The following ZNF302 variants were observed in gnomAD, a reference collection of about 807,000 sequenced individuals.
ZNF302 encodes zinc finger protein 302.
Under a neutral mutation model 10.8 loss-of-function variants are expected in ZNF302, and 12 were observed. The ratio of observed to expected loss-of-function variants is 1.11; its 90% CI spans 0.71 to 1.79. The LOEUF is 1.79. Ranked by LOEUF, ZNF302 falls within the 40% of genes most tolerant of loss-of-function variation. The pLI is 0.00. For missense variants in ZNF302, 461 were observed against 471.1 expected, an observed-to-expected ratio of 0.98 and a Z score of 0.20; for synonymous variants, 178 against 157.5, an observed-to-expected ratio of 1.13 and a Z score of -0.98.
intron 3 of ZNF302, 25 bp from the exon 4 acceptor site, chr19:34,683,130 A>G: frequency 6.2e-7 from 1 of 1,613,856 alleles, no homozygotes; most frequent in Non-Finnish European, 8.5e-7. Context: ...CAGCTTAAAC[A>G]ATTCTATATT....
upstream of ZNF302, chr19:34,677,667 C>A (rs527812241): frequency 6.6e-6 from 1 of 152,460 alleles, no homozygotes; most frequent in African/African-American, 2.4e-5. Context: ...TCGCCGTGGG[C>A]GGTGCACTGG....
Position 34,678,725 on chromosome 19 carries a change from C to A in ZNF302, c.-68-12C>A. On this transcript the variant is annotated splice_polypyrimidine_tract_variant and intron_variant, in intron 1 of 4. Coordinates refer to ENST00000505242, the MANE Select transcript of ZNF302 (RefSeq NM_001289187.2). ...TTCATGACTGCTTTTTCCTGCCTTTCTGTGCCCTCAGGACACTGCCCATCT... is the reference window on the plus strand; with the variant it reads ...TTCATGACTGCTTTTTCCTGCCTTTATGTGCCCTCAGGACACTGCCCATCT... 3 of 1,556,788 alleles carry A rather than the reference C, an allele frequency of 1.9e-6. No individual in the cohort carries two copies. The South Asian group carries it at 3.4e-5, about 17-fold the overall frequency.
At chr19:34,681,790 CT>C (rs1487950058) in intron 2 of ZNF302, 1 of 152,190 alleles carries the variant, frequency 6.6e-6, no homozygotes, top group African/African-American at 2.4e-5. Context: ...TGTTAGACCC[CT>C]GATCTATGAC....
chr19:34,683,116 A>G (rs1707218466), intron 3 of ZNF302, 39 bp from the exon 4 acceptor site: 1 of 1,612,362 alleles, frequency 6.2e-7, no homozygotes, highest in South Asian at 1.1e-5. Flanking sequence ...ATAATAGAGG[A>G]CCACAGCTTA....
In ZNF302 at chr19:34,683,196, G is replaced by T. The variant is rs749315039; in HGVS notation, c.172G>T (p.Asp58Tyr). Residue 58 changes from aspartate to tyrosine, a missense_variant, in exon 4 of 5, where the codon GAT becomes TAT. Asp to Tyr is a radical substitution (Grantham distance 160, BLOSUM62 -3). Transcript: ENST00000505242. ...GCCATATGTGATCATGTTATTGGAGGATGGAAAAGAGCCCTGGATGATGGA... is the reference window on the plus strand; with the variant it reads ...GCCATATGTGATCATGTTATTGGAGTATGGAAAAGAGCCCTGGATGATGGA... ...TKPYVIMLLE[D>Y]GKEPWMMEKK... 2 of 1,614,110 alleles carry T rather than the reference G, an allele frequency of 1.2e-6. No individual in the cohort carries two copies. The highest frequency in any genetic ancestry group is 3.3e-5 in the Admixed American group (2 of 60,022).
At chr19:34,676,759 T>G (rs980106960), upstream of ZNF302, 1 of 152,218 alleles carries the variant, frequency 6.6e-6, no homozygotes, top group Admixed American at 6.5e-5. Context: ...ACACTATTTA[T>G]AATTTTAAAA....
rs2068624521 is a variant in ZNF302 at position 34,685,688 on chromosome 19, C to A, written c.*451C>A. 2 of 704,482 alleles carry A rather than the reference C, an allele frequency of 2.8e-6. No individual in the cohort carries two copies. The highest frequency in any genetic ancestry group is 2.4e-5 in the Admixed American group (1 of 41,778). 43.6% of individuals were successfully genotyped at this position (704,482 alleles called of 1,614,324 possible). The stretch of plus-strand genomic sequence containing the variant: ...TCATAGATCCTCCCTTATTTAACAT[C>A]AGAAAAATGTATACTGGGGAAAAGT... On this transcript the variant is annotated 3_prime_UTR_variant, in exon 5 of 5. Coordinates refer to ENST00000505242, the MANE Select transcript of ZNF302 (RefSeq NM_001289187.2).
intron 2 of ZNF302, among the ~76,000 whole-genome samples, chr19:34,679,099 A>G (rs2068190412): frequency 6.6e-6 from 1 of 152,222 alleles, no homozygotes; most frequent in South Asian, 2.1e-4. Flanking sequence ...TATTCGGTTT[A>G]TGGTTGTCAA....
chr19:34,683,380 A>AT, intron 4 of ZNF302, 142 bp downstream of exon 4: 2 of 942,930 alleles, frequency 2.1e-6, no homozygotes. Context: ...TTTAGCTTAG[A>AT]TTTTCAAAAC....
chr19:34,685,491 A>C lies in ZNF302; in HGVS notation c.*254A>C. On this transcript the variant is annotated 3_prime_UTR_variant, in exon 5 of 5. Coordinates refer to ENST00000505242, the MANE Select transcript of ZNF302 (RefSeq NM_001289187.2). ...GGAGAAAAGCCATATAAATGTAGTG[A>C]GTGTGGGAAAGCTTTTAGCAAAGGC... The C allele has an allele frequency of 1.3e-6, 2 of 1,584,474 alleles. No homozygotes were observed. Among genetic ancestry groups the C allele is most frequent in the Non-Finnish European group, 8.7e-7 (1 of 1,153,880 alleles).
chr19:34,679,972 T>C (rs183793036), intron 2 of ZNF302: 1 of 702,096 alleles, frequency 1.4e-6, no homozygotes, highest in East Asian at 2.7e-5. Context: ...AAGTAGCAGA[T>C]GTACATCTTG....
intron 2 of ZNF302, chr19:34,679,845 T>G: frequency 1.4e-6 from 1 of 702,874 alleles, no homozygotes; most frequent in Non-Finnish European, 2.6e-6. Context: ...ACCCAGAGTG[T>G]TACCTGGCAC....
In ZNF302 at chr19:34,686,269, A is replaced by C. The variant is rs1383926222; in HGVS notation, c.*1032A>C. On this transcript the variant is annotated 3_prime_UTR_variant, in exon 5 of 5. Transcript: ENST00000505242. ...TAGAAATTCTTTTTAGCTAGTGGGC[A>C]TGTGAAGATATTTAGTCACCCAGAG... is the stretch of plus-strand genomic sequence containing the variant. 6.6e-6 allele frequency: 1 copy of C among 152,210 alleles called. No individual in the cohort carries two copies. Among genetic ancestry groups the C allele is most frequent in the African/African-American group, 2.4e-5 (1 of 41,452 alleles). 9.4% of individuals were successfully genotyped at this position (152,210 alleles called of 1,614,324 possible). A position where few individuals can be genotyped will look rare whatever the true frequency, so the allele number is the denominator to read the frequency against.
chr19:34,677,432 G>A (rs1015000266), upstream of ZNF302: 2 of 152,306 alleles, frequency 1.3e-5, no homozygotes, highest in African/African-American at 4.8e-5. Flanking sequence ...GTTCACCAGA[G>A]GACGACTGTG....
At chr19:34,682,197 G>A (rs2068386854) in intron 2 of ZNF302, 1 of 152,368 alleles carries the variant, frequency 6.6e-6, no homozygotes, top group Non-Finnish European at 1.5e-5. Context: ...GAGTCCTCAA[G>A]GCCCAATAGT....
At position 34,685,419 on chromosome 19, in the gene ZNF302, C is replaced by A; in HGVS notation, c.*182C>A. 2 of 1,604,966 alleles carry A rather than the reference C, an allele frequency of 1.2e-6. No individual in the cohort carries two copies. The highest frequency in any genetic ancestry group is 1.7e-6 in the Non-Finnish European group (2 of 1,172,052). The stretch of plus-strand genomic sequence containing the variant: ...TACGAATGTATTAAATGTGGGAAGA[C>A]CTTCAGCTGTAGTTCAAACCTTACT... On this transcript the variant is annotated 3_prime_UTR_variant, in exon 5 of 5. Transcript: ENST00000505242.
chr19:34,685,182 CAT>C lies in ZNF302; in HGVS notation c.1146_1147del (p.Phe383SerfsTer10). ...TGTCTCAAGGTCTTTAGTAGCTTCT[CAT>C]TTCTTGTTCAACATCAGAGTATTCA... is the stretch of plus-strand genomic sequence containing the variant. On this transcript the variant is annotated frameshift_variant, in exon 5 of 5. Transcript: ENST00000505242. LOFTEE classifies it high-confidence loss of function. The C allele has an allele frequency of 6.2e-7, 1 of 1,605,520 alleles. No homozygotes were observed. Among genetic ancestry groups the C allele is most frequent in the South Asian group, 1.1e-5 (1 of 89,506 alleles).
chr19:34,685,844 G>T lies in ZNF302; in HGVS notation c.*607G>T. 3.2e-6 allele frequency: 1 copy of T among 313,386 alleles called. No individual in the cohort carries two copies. Among genetic ancestry groups the T allele is most frequent in the Non-Finnish European group, 5.9e-6 (1 of 169,398 alleles). The allele number at this position is 313,386 out of a possible 1,614,324, so 19.4% of individuals were successfully genotyped here. A position where few individuals can be genotyped will look rare whatever the true frequency, so the allele number is the denominator to read the frequency against. On this transcript the variant is annotated 3_prime_UTR_variant, in exon 5 of 5. Transcript: ENST00000505242. ...CTTTGTCAGTATTAATCCCTTAATT[G>T]ACCTAAGTATACTCACACTAGGAAA...
Position 34,686,393 on chromosome 19 carries a change from T to C in ZNF302, c.*1156T>C, listed in dbSNP as rs1435980188. 6.6e-6 allele frequency: 1 copy of C among 151,034 alleles called. No homozygotes were observed. 9.4% of individuals were successfully genotyped at this position (151,034 alleles called of 1,614,324 possible). A position where few individuals can be genotyped will look rare whatever the true frequency, so the allele number is the denominator to read the frequency against. On this transcript the variant is annotated 3_prime_UTR_variant, in exon 5 of 5. Transcript: ENST00000505242. ...TCTAATAAAATCATTTTGTATATCA[T>C]GAACTCTTTCTCTGTGACTGTTTGC... is the stretch of plus-strand genomic sequence containing the variant.
Sources: allele counts gnomAD v4.1 joint callset (sites outside exome capture counted in the v4.1 genomes callset), GRCh38; gene constraint gnomAD v4.1.1; transcripts MANE v1.5; gene names NCBI Gene and HGNC (gene_info 2026-07-23, HGNC 2026-07-21).